The following NRXN3 variants were observed in gnomAD, a reference collection of about 807,000 sequenced individuals.
NRXN3 encodes the protein neurexin III.
NRXN3 carries 32 observed loss-of-function variants against 137.6 expected under a neutral mutation model. That is an observed-to-expected ratio of 0.23 (90% CI 0.18 to 0.31). NRXN3 has a LOEUF of 0.31. Ranked by LOEUF, NRXN3 falls within the 10% of genes least tolerant of loss-of-function variation. The pLI is 1.00. For synonymous variants in NRXN3, 798 were observed against 784.5 expected, an observed-to-expected ratio of 1.02 and a Z score of -0.29; for missense variants, 1,574 against 2,062.5, an observed-to-expected ratio of 0.76 and a Z score of 4.59.
In NRXN3 at chr14:79,777,782, A is replaced by G. The variant is rs966801756; in HGVS notation, c.4015-27330A>G. Among the ~76,000 whole-genome samples, 4 of 151,828 alleles carry G rather than the reference A, an allele frequency of 2.6e-5. No homozygotes were observed. In the East Asian group the frequency reaches 5.8e-4, roughly 22 times the overall value. On this transcript the variant is annotated intron_variant, in intron 19 of 20. Coordinates refer to ENST00000335750, the MANE Select transcript of NRXN3 (RefSeq NM_001330195.2). ...ATTAGTATAGCAAATGTTGAGATAT[A>G]TAAATTATTTTAATATATTTATTTT...
At chr14:79,521,680 TCTAA>T (rs2097066385) in intron 16 of NRXN3, among the ~76,000 whole-genome samples, 1 of 152,178 alleles carries the variant, frequency 6.6e-6, no homozygotes, top group African/African-American at 2.4e-5. Flanking sequence ...TCTGTCCTCT[TCTAA>T]CTATTTTTAG....
At chr14:78,242,140 T>A (rs1376533957) in intron 1 of NRXN3, among the ~76,000 whole-genome samples, 3 of 152,202 alleles carry the variant, frequency 2.0e-5, no homozygotes, top group Non-Finnish European at 4.4e-5. Context: ...AATGTGCTGA[T>A]ATGGCTTTGG....
At chr14:79,189,070 A>G (rs2063896420) in intron 15 of NRXN3, among the ~76,000 whole-genome samples, 2 of 151,972 alleles carry the variant, frequency 1.3e-5, no homozygotes, top group Non-Finnish European at 2.9e-5. Flanking sequence ...TCACGCTGCT[A>G]TAAAGACACA....
chr14:78,463,741 G>T (rs1347315033), intron 4 of NRXN3, among the ~76,000 whole-genome samples: 1 of 141,566 alleles, frequency 7.1e-6, no homozygotes, highest in Admixed American at 7.4e-5. Flanking sequence ...AAAGGCCACA[G>T]AATTCTCTTC....
chr14:78,242,234 G>A (rs1208610136), intron 1 of NRXN3, among the ~76,000 whole-genome samples, 157 bp from the exon 2 acceptor site: 2 of 152,088 alleles, frequency 1.3e-5, no homozygotes, highest in African/African-American at 2.4e-5. Context: ...AAGAACCCAC[G>A]GCCTCCCTCC....
chr14:79,026,437 T>C (rs926651351), intron 15 of NRXN3, among the ~76,000 whole-genome samples: 2 of 152,118 alleles, frequency 1.3e-5, no homozygotes, highest in Admixed American at 1.3e-4. Flanking sequence ...ATGTGGCACA[T>C]GTCAATTCTT....
intron 16 of NRXN3, among the ~76,000 whole-genome samples, chr14:79,607,593 A>G (rs1168929130): frequency 6.6e-6 from 1 of 152,160 alleles, no homozygotes; most frequent in Admixed American, 6.5e-5. Context: ...AATTTAGATA[A>G]TTAAAGCAGA....
At chr14:79,852,218 T>C (rs1481183162) in intron 20 of NRXN3, among the ~76,000 whole-genome samples, 1 of 137,274 alleles carries the variant, frequency 7.3e-6, no homozygotes, top group Non-Finnish European at 1.6e-5. Flanking sequence ...TCAATACAGG[T>C]TCTAGTTCAA....
chr14:78,329,297 T>C (rs1253414775), intron 4 of NRXN3, among the ~76,000 whole-genome samples: 3 of 152,310 alleles, frequency 2.0e-5, no homozygotes, highest in African/African-American at 7.2e-5. Context: ...ATTTTGAGGT[T>C]GAATCATTCT....
At chr14:78,779,869 A>C (rs1052807671) in intron 8 of NRXN3, among the ~76,000 whole-genome samples, 56 of 152,244 alleles carry the variant, frequency 3.7e-4, no homozygotes, top group African/African-American at 1.3e-3. Flanking sequence ...AATAACATGA[A>C]GATGCCAATT....
At chr14:78,862,160 C>T (rs1043285669) in intron 10 of NRXN3, among the ~76,000 whole-genome samples, 1 of 151,952 alleles carries the variant, frequency 6.6e-6, no homozygotes, top group African/African-American at 2.4e-5. Flanking sequence ...TTAGGGAGAC[C>T]TTTCTAGTTG....
chr14:79,485,088 AT>A (rs1259363322), intron 16 of NRXN3, among the ~76,000 whole-genome samples: 7 of 151,650 alleles, frequency 4.6e-5, no homozygotes, highest in Non-Finnish European at 8.8e-5. Context: ...ATGTGTCGTG[AT>A]TTTTTTTGGT....
intron 15 of NRXN3, among the ~76,000 whole-genome samples, chr14:79,411,676 T>C (rs983995688): frequency 6.6e-6 from 1 of 152,192 alleles, no homozygotes; most frequent in African/African-American, 2.4e-5. Flanking sequence ...GAGTCATAAT[T>C]AGAATCCAGA....
intron 10 of NRXN3, among the ~76,000 whole-genome samples, chr14:78,860,302 G>C (rs1261435656): frequency 6.6e-6 from 1 of 152,142 alleles, no homozygotes; most frequent in Non-Finnish European, 1.5e-5. Context: ...ATGGGATCAA[G>C]TAATTTGCCA....
intron 10 of NRXN3, among the ~76,000 whole-genome samples, chr14:78,841,125 A>G (rs2152442978): frequency 6.6e-6 from 1 of 152,206 alleles, no homozygotes; most frequent in Non-Finnish European, 1.5e-5. Context: ...TTTTTTCAAG[A>G]TTCCTATCAT....
intron 14 of NRXN3, among the ~76,000 whole-genome samples, chr14:78,979,935 G>A (rs529141403): frequency 4.3e-4 from 65 of 152,262 alleles, no homozygotes; most frequent in African/African-American, 1.4e-3. Context: ...CCCACAACAT[G>A]TGGGAATTAA....
chr14:78,243,125 C>T lies in NRXN3; in HGVS notation c.32C>T (p.Thr11Ile), dbSNP rs1178337478. The change falls in exon 2 of 21, where the codon ACC becomes ATC. Residue 11 changes from threonine to isoleucine, a missense_variant. Coordinates refer to ENST00000335750, the MANE Select transcript of NRXN3 (RefSeq NM_001330195.2). This position sits in a 1 kb window ranked among gnomAD's most constrained non-coding sequence, Gnocchi z 4.2. The part of the protein sequence containing the change: MSSTLHSVFF[T>I]LKVSILLGSL... ...TCCACACTCCACTCGGTTTTCTTCA[C>T]CCTGAAGGTCAGCATCCTGCTGGGG... 6.5e-7 allele frequency: 1 copy of T among 1,540,912 alleles called. No homozygotes were observed.
Position 79,645,163 on chromosome 14 carries a change from T to A in NRXN3, c.3445-18615T>A, listed in dbSNP as rs1446958813. ...AAGGCAGACTTTCTTATTCCATATT[T>A]TTTTTGTCCTTAAATATATTGTTTC... On this transcript the variant is annotated intron_variant, in intron 16 of 20. Transcript: ENST00000335750. Among the ~76,000 whole-genome samples, 2 of 135,116 alleles carry A rather than the reference T, an allele frequency of 1.5e-5. 1 individual carries two copies. The highest frequency in any genetic ancestry group is 3.4e-5 in the Non-Finnish European group (2 of 58,130). The allele number at this position is 135,116 out of a possible 152,430, so 88.6% of individuals were successfully genotyped here.
rs113911491 is a variant in NRXN3 at position 79,563,391 on chromosome 14, C to G, written c.3444+95989C>G. On this transcript the variant is annotated intron_variant, in intron 16 of 20. Coordinates refer to ENST00000335750, the MANE Select transcript of NRXN3 (RefSeq NM_001330195.2). ...GGCAGCTTATTTCAGGAGGGACACC[C>G]GTTGTTGGTGTAAAGAGCAAGATCT... 5.5e-3 allele frequency among the ~76,000 whole-genome samples: 841 copies of G among 151,972 alleles called. 10 individuals are homozygous for G. Among genetic ancestry groups the G allele is most frequent in the Middle Eastern group, 0.034 (10 of 294 alleles).
Sources: allele counts gnomAD v4.1 joint callset (sites outside exome capture counted in the v4.1 genomes callset), GRCh38; gene constraint gnomAD v4.1.1; non-coding constraint Gnocchi (gnomAD v3.1); transcripts MANE v1.5; gene names NCBI Gene and HGNC (gene_info 2026-07-23, HGNC 2026-07-21).